The following PTPRM variants were observed in gnomAD, a reference collection of about 807,000 sequenced individuals.
PTPRM encodes the protein protein tyrosine phosphatase receptor type M, also known as receptor-type tyrosine-protein phosphatase mu.
Under a neutral mutation model 186.7 loss-of-function variants are expected in PTPRM, and 47 were observed. That is an observed-to-expected ratio of 0.25 (90% confidence interval 0.20 to 0.32). PTPRM has a LOEUF of 0.32. Ranked by LOEUF, PTPRM falls within the 10% of genes least tolerant of loss-of-function variation. The probability of loss-of-function intolerance (pLI) is 1.00; values close to 1 mark genes in which losing one functional copy is unlikely to be tolerated. For synonymous variants in PTPRM, 668 were observed against 674.9 expected (o/e 0.99, Z 0.16); for missense variants, 1,494 against 1,865.0 (o/e 0.80, Z 3.66).
At chr18:7,588,305 A>G (rs1407452515) in intron 1 of PTPRM, among the ~76,000 whole-genome samples, 1 of 152,198 alleles carries the variant, frequency 6.6e-6, no homozygotes, top group African/African-American at 2.4e-5. Context: ...TTTAATTCTT[A>G]CATATTTAAT....
chr18:7,787,658 T>G (rs779694026), intron 2 of PTPRM, among the ~76,000 whole-genome samples: 2 of 152,218 alleles, frequency 1.3e-5, no homozygotes, highest in Non-Finnish European at 2.9e-5. Context: ...CTCAGATGAC[T>G]GCAGTGGGTG....
At chr18:7,776,550 T>G (rs2042592584) in intron 2 of PTPRM, among the ~76,000 whole-genome samples, 1 of 152,102 alleles carries the variant, frequency 6.6e-6, no homozygotes, top group Non-Finnish European at 1.5e-5. Context: ...ACTTTAGTCA[T>G]TAGAAATTGT....
chr18:8,394,325 T>A, intron 31 of PTPRM, 151 bp from the exon 32 acceptor site: 1 of 808,322 alleles, frequency 1.2e-6, no homozygotes, highest in Non-Finnish European at 1.8e-6. Flanking sequence ...TTGCTTTAAT[T>A]AAAAGAATCT....
chr18:7,773,033 A>G (rs969962566), intron 1 of PTPRM, among the ~76,000 whole-genome samples: 1 of 152,220 alleles, frequency 6.6e-6, no homozygotes, highest in Non-Finnish European at 1.5e-5. Context: ...GAGATGGGAC[A>G]AAATCATCAA....
chr18:7,853,694 T>C (rs1992373), intron 2 of PTPRM, among the ~76,000 whole-genome samples: 78,211 of 151,820 alleles, frequency 0.52, 20,650 homozygotes, highest in East Asian at 0.73. Context: ...CTTGTGCCTT[T>C]GGAAAGGGGG....
intron 14 of PTPRM, among the ~76,000 whole-genome samples, chr18:8,203,941 G>A (rs2093891966): frequency 6.6e-6 from 1 of 152,178 alleles, no homozygotes; most frequent in Non-Finnish European, 1.5e-5. Flanking sequence ...CTGTCAAGGA[G>A]GGGGTAGAAA....
At position 8,198,473 on chromosome 18, in the gene PTPRM, A is replaced by G. The variant is rs552030148; in HGVS notation, c.2301-45585A>G. On this transcript the variant is annotated intron_variant, in intron 14 of 32. Coordinates refer to ENST00000580170, the MANE Select transcript of PTPRM (RefSeq NM_001105244.2). ...CAAAATTTTGCCGCTGATTTTTAGAAATTGAATTATTATTTTAGACTGAAG... is the reference window on the plus strand; with the variant it reads ...CAAAATTTTGCCGCTGATTTTTAGAGATTGAATTATTATTTTAGACTGAAG... 3.9e-4 allele frequency among the ~76,000 whole-genome samples: 60 copies of G among 152,252 alleles called. 1 individual carries two copies. The highest frequency in any genetic ancestry group is 3.5e-3 in the South Asian group (17 of 4,828).
intron 14 of PTPRM, among the ~76,000 whole-genome samples, chr18:8,242,789 G>A (rs2094443980): frequency 1.3e-5 from 2 of 152,114 alleles, no homozygotes; most frequent in Admixed American, 1.3e-4. Context: ...TTATCCGTAT[G>A]GTCTTATGTT....
chr18:7,586,315 G>T (rs1482222306), intron 1 of PTPRM, among the ~76,000 whole-genome samples: 1 of 152,148 alleles, frequency 6.6e-6, no homozygotes, highest in African/African-American at 2.4e-5. Flanking sequence ...TGGATGAATG[G>T]TTCAGGTATT....
At chr18:8,112,714 G>C (rs566807469) in intron 11 of PTPRM, among the ~76,000 whole-genome samples, 55 of 152,270 alleles carry the variant, frequency 3.6e-4, no homozygotes, top group South Asian at 8.3e-4. Flanking sequence ...TTCTCCTGAG[G>C]TTACTTCAGA....
At chr18:8,295,967 T>G (rs1367006762) in intron 19 of PTPRM, among the ~76,000 whole-genome samples, 1 of 152,138 alleles carries the variant, frequency 6.6e-6, no homozygotes, top group Non-Finnish European at 1.5e-5. Flanking sequence ...CAATTAGCAA[T>G]TAGGGAGAAA....
chr18:8,241,109 C>G (rs7237969), intron 14 of PTPRM, among the ~76,000 whole-genome samples: 2 of 152,162 alleles, frequency 1.3e-5, no homozygotes, highest in African/African-American at 4.8e-5. Flanking sequence ...GAGCGGATCA[C>G]CTGAGGTCAG....
intron 22 of PTPRM, among the ~76,000 whole-genome samples, chr18:8,339,982 CA>C (rs138151785): frequency 1.2e-3 from 183 of 147,624 alleles, no homozygotes; most frequent in African/African-American, 2.0e-3. Flanking sequence ...TTTCTACCCT[CA>C]AAAAAAAAAC....
At chr18:7,886,073 G>T (rs1238326310) in intron 2 of PTPRM, among the ~76,000 whole-genome samples, 2 of 152,158 alleles carry the variant, frequency 1.3e-5, no homozygotes, top group Non-Finnish European at 2.9e-5. Context: ...CATACTCCAG[G>T]TTTTGTTCAT....
intron 1 of PTPRM, among the ~76,000 whole-genome samples, chr18:7,745,795 A>G (rs2144550443): frequency 6.6e-6 from 1 of 152,346 alleles, no homozygotes; most frequent in African/African-American, 2.4e-5. Context: ...ACCATGATTA[A>G]TATGGTAAAG....
chr18:7,930,226 A>G (rs146786863), intron 5 of PTPRM, among the ~76,000 whole-genome samples: 11,617 of 151,906 alleles, frequency 0.076, 890 homozygotes, highest in African/African-American at 0.2. Flanking sequence ...GCACCACCAC[A>G]CCTGGCTAAT....
chr18:7,722,367 A>ATCT (rs1386553048), intron 1 of PTPRM, among the ~76,000 whole-genome samples: 2 of 152,182 alleles, frequency 1.3e-5, no homozygotes, highest in Non-Finnish European at 2.9e-5. Context: ...GACTTTTAAT[A>ATCT]AGTTGTGTTG....
intron 7 of PTPRM, among the ~76,000 whole-genome samples, chr18:8,041,284 A>T (rs2086672716): frequency 6.6e-6 from 1 of 152,192 alleles, no homozygotes; most frequent in African/African-American, 2.4e-5. Context: ...AGCTTAAAGT[A>T]TTGCTCAGGT....
rs371968199 is a variant in PTPRM at position 8,018,713 on chromosome 18, C to A, written c.1133-50973C>A. 3.9e-5 allele frequency among the ~76,000 whole-genome samples: 6 copies of A among 151,990 alleles called. No homozygotes were observed. In the South Asian group the frequency reaches 1.2e-3, roughly 31 times the overall value. On this transcript the variant is annotated intron_variant, in intron 7 of 32. Transcript: ENST00000580170. ...AAAGTAAATTGGATTTTCTTTCAAC[C>A]TTTATATATGAATATGTGGTCAACC...
Sources: gnomAD v4.1 joint callset for allele counts (sites outside exome capture counted in the v4.1 genomes callset) on GRCh38, gnomAD v4.1.1 for gene constraint, MANE v1.5 for transcripts, NCBI Gene and HGNC (gene_info 2026-07-23, HGNC 2026-07-21) for gene names.